DAB1: variants seen among roughly 807,000 people sequenced by gnomAD.
The protein encoded by DAB1 is disabled homolog 1.
In DAB1, 15 loss-of-function variants were observed where a neutral mutation model predicts 64.6. That is an observed-to-expected ratio of 0.23 (90% CI 0.16 to 0.36). The LOEUF is 0.36. Among genes scored for constraint, DAB1 ranks in the 10% least tolerant of loss-of-function variants. DAB1 has a pLI of 1.00. For synonymous variants in DAB1, 235 were observed against 251.9 expected (o/e 0.93, Z 0.64); for missense variants, 596 against 706.7 (o/e 0.84, Z 1.78).
intron 2 of DAB1, among the ~76,000 whole-genome samples, chr1:58,515,705 CAA>C (rs1227935353): frequency 6.6e-6 from 1 of 152,066 alleles, no homozygotes; most frequent in Non-Finnish European, 1.5e-5. Flanking sequence ...AAATAAAACG[CAA>C]AGATACTTTG....
intron 5 of DAB1, among the ~76,000 whole-genome samples, chr1:58,136,202 T>A (rs941658908): frequency 6.6e-6 from 1 of 152,084 alleles, no homozygotes; most frequent in Non-Finnish European, 1.5e-5. Flanking sequence ...ACCGTAGAAA[T>A]TGAGGTAAAT....
intron 3 of DAB1, among the ~76,000 whole-genome samples, chr1:58,498,289 T>C (rs918030588): frequency 2.0e-5 from 3 of 152,094 alleles, no homozygotes; most frequent in African/African-American, 7.2e-5. Context: ...TCCTCTACCA[T>C]TTTTGCATTC....
intron 5 of DAB1, among the ~76,000 whole-genome samples, chr1:57,979,448 G>C (rs1646008853): frequency 6.6e-6 from 1 of 152,184 alleles, no homozygotes; most frequent in Non-Finnish European, 1.5e-5. Context: ...AACATTGGGA[G>C]AAATACCTAA....
intron 4 of DAB1, among the ~76,000 whole-genome samples, chr1:58,234,798 T>C (rs575506293): frequency 6.6e-6 from 1 of 152,286 alleles, no homozygotes; most frequent in African/African-American, 2.4e-5. Context: ...TGGAGAGCCA[T>C]TGAAGGCTTG....
intron 6 of DAB1, among the ~76,000 whole-genome samples, chr1:57,804,858 G>A (rs1051466483): frequency 3.9e-5 from 6 of 152,098 alleles, no homozygotes; most frequent in Admixed American, 6.5e-5. Context: ...TTTCTCACCC[G>A]AGGAAACTTT....
chr1:57,068,540 T>A (rs1274610730), intron 8 of DAB1, among the ~76,000 whole-genome samples: 1 of 152,202 alleles, frequency 6.6e-6, no homozygotes, highest in Admixed American at 6.5e-5. Context: ...AAAATTAAAA[T>A]CACTTATTAA....
chr1:58,211,271 C>G (rs1186999751), intron 4 of DAB1, among the ~76,000 whole-genome samples: 2 of 152,144 alleles, frequency 1.3e-5, no homozygotes, highest in Non-Finnish European at 2.9e-5. Context: ...TCCCTTTGTT[C>G]TAGTTGCTTA....
chr1:57,008,120 C>G (rs1646145389), intron 14 of DAB1, among the ~76,000 whole-genome samples: 1 of 152,198 alleles, frequency 6.6e-6, no homozygotes, highest in Admixed American at 6.5e-5. Context: ...TCCTCTGGAG[C>G]TGGGAGGTAC....
At chr1:57,386,517 G>GTTCTATA (rs901127033) in intron 1 of DAB1, 14 of 152,050 alleles carry the variant, frequency 9.2e-5, no homozygotes, top group Admixed American at 9.2e-4. Context: ...CCCATTGTAG[G>GTTCTATA]TTCTATATTC....
chr1:57,415,280 C>CACACACACACAT lies in DAB1; in HGVS notation c.-137+8649_-137+8650insATGTGTGTGTGT, dbSNP rs1369470024. 3.9e-3 allele frequency among the ~76,000 whole-genome samples: 566 copies of CACACACACACAT among 145,362 alleles called. 12 individuals are homozygous for CACACACACACAT. The highest frequency in any genetic ancestry group is 0.034 in the Admixed American group (496 of 14,760). On this transcript the variant is annotated intron_variant, in intron 1 of 14. Transcript: ENST00000371236. The stretch of plus-strand genomic sequence containing the variant: ...ACACACACACACACACACACACACA[C>CACACACACACAT]ATATATGCACACACTCCACATGGAT...
intron 4 of DAB1, among the ~76,000 whole-genome samples, chr1:58,262,988 G>A (rs558203833): frequency 6.6e-6 from 1 of 152,294 alleles, no homozygotes; most frequent in East Asian, 1.9e-4. Context: ...TGTAACATGA[G>A]CGAGAAATAA....
chr1:58,278,072 C>G (rs1222776072), intron 4 of DAB1, among the ~76,000 whole-genome samples: 2 of 152,212 alleles, frequency 1.3e-5, no homozygotes, highest in African/African-American at 2.4e-5. Context: ...TGGATTGGCT[C>G]TATGTCCCCA....
At chr1:57,280,319 A>G (rs1216851199) in intron 2 of DAB1, among the ~76,000 whole-genome samples, 2 of 152,120 alleles carry the variant, frequency 1.3e-5, no homozygotes, top group Non-Finnish European at 2.9e-5. Flanking sequence ...CTGCAGAAAC[A>G]CTCAGCCTTG....
At chr1:57,598,014 G>A (rs961742029) in intron 7 of DAB1, among the ~76,000 whole-genome samples, 4 of 151,852 alleles carry the variant, frequency 2.6e-5, no homozygotes, top group African/African-American at 7.3e-5. Context: ...ACGGAGTCTC[G>A]CTTTGTCACC....
chr1:57,185,637 G>T (rs1003120740), intron 2 of DAB1, among the ~76,000 whole-genome samples: 1 of 152,154 alleles, frequency 6.6e-6, no homozygotes, highest in Non-Finnish European at 1.5e-5. Context: ...CATCCTCTTG[G>T]TAGCACCTCA....
chr1:57,224,663 T>C (rs1504584), intron 2 of DAB1, among the ~76,000 whole-genome samples: 11,096 of 152,276 alleles, frequency 0.073, 1,351 homozygotes, highest in African/African-American at 0.25. Context: ...GTTAACGTAA[T>C]CACTGTGGCA....
chr1:58,492,966 AAG>A (rs1645725793), intron 3 of DAB1, among the ~76,000 whole-genome samples: 1 of 152,212 alleles, frequency 6.6e-6, no homozygotes, highest in Non-Finnish European at 1.5e-5. Context: ...ACAACAAAAA[AAG>A]AGAATTTTAG....
At chr1:58,346,313 G>C (rs1643997005) in intron 3 of DAB1, among the ~76,000 whole-genome samples, 3 of 152,176 alleles carry the variant, frequency 2.0e-5, no homozygotes, top group Non-Finnish European at 4.4e-5. Flanking sequence ...AGAGGATCCT[G>C]TCCTCTGCCT....
intron 4 of DAB1, among the ~76,000 whole-genome samples, chr1:57,128,124 G>A (rs1218291533): frequency 6.6e-6 from 1 of 151,402 alleles, no homozygotes; most frequent in Non-Finnish European, 1.5e-5. Flanking sequence ...TCCAGCCTGG[G>A]AGATAAGAGT....
Sources: allele counts gnomAD v4.1 joint callset (sites outside exome capture counted in the v4.1 genomes callset), GRCh38; gene constraint gnomAD v4.1.1; transcripts MANE v1.5; gene names NCBI Gene and HGNC (gene_info 2026-07-23, HGNC 2026-07-21).